Variants in LARP1B observed in about 807,000 individuals in gnomAD.
The protein encoded by LARP1B is la-related protein 1B.
In LARP1B, 76 loss-of-function variants were observed where a neutral mutation model predicts 114.2. That is an observed-to-expected ratio of 0.67 (90% CI 0.55 to 0.81). The LOEUF (loss-of-function observed/expected upper bound fraction) is 0.81. Among genes scored for constraint, LARP1B ranks in the 30% least tolerant of loss-of-function variants. LARP1B has a pLI of 0.00. For missense variants in LARP1B, 1,014 were observed against 1,075.8 expected (o/e 0.94, Z 0.80); for synonymous variants, 345 against 348.0 (o/e 0.99, Z 0.10).
At chr4:128,149,440 T>C (rs996169711) in intron 11 of LARP1B, among the ~76,000 whole-genome samples, 2 of 152,140 alleles carry the variant, frequency 1.3e-5, no homozygotes, top group African/African-American at 4.8e-5. Context: ...AACCCACTTA[T>C]AGTAATCCAA....
At chr4:128,075,608 T>C (rs1767514845) in intron 3 of LARP1B, among the ~76,000 whole-genome samples, 1 of 151,842 alleles carries the variant, frequency 6.6e-6, no homozygotes, top group African/African-American at 2.4e-5. Context: ...AGTGCAGTGA[T>C]GTGATCACAG....
intron 4 of LARP1B, among the ~76,000 whole-genome samples, chr4:128,078,561 A>G (rs1181371162): frequency 1.3e-5 from 2 of 151,702 alleles, no homozygotes; most frequent in Non-Finnish European, 2.9e-5. Flanking sequence ...AGGTCGCGCC[A>G]TTGCACTCCA....
At chr4:128,103,473 T>G (rs1252830285) in intron 8 of LARP1B, among the ~76,000 whole-genome samples, 1 of 152,116 alleles carries the variant, frequency 6.6e-6, no homozygotes, top group Non-Finnish European at 1.5e-5. Flanking sequence ...TGTTACTTCT[T>G]TCTTGTGTCT....
At chr4:128,138,477 A>C (rs2150179925) in intron 11 of LARP1B, among the ~76,000 whole-genome samples, 1 of 152,344 alleles carries the variant, frequency 6.6e-6, no homozygotes, top group South Asian at 2.1e-4. Flanking sequence ...TTATGATTGG[A>C]ATGAATAATT....
At chr4:128,179,621 A>T (rs1561509367) in intron 15 of LARP1B, 109 bp downstream of exon 15, 2 of 626,538 alleles carry the variant, frequency 3.2e-6, no homozygotes, top group Admixed American at 3.5e-5. Flanking sequence ...TTAGCAAATT[A>T]TAGAGCAATG....
At chr4:128,094,204 C>T (rs570156205) in intron 7 of LARP1B, among the ~76,000 whole-genome samples, 86 of 152,054 alleles carry the variant, frequency 5.7e-4, no homozygotes, top group Middle Eastern at 3.4e-3. Context: ...GGATTACAGG[C>T]GTGAGCCACC....
chr4:128,221,266 A>G (rs1223026989), intron 7 of LARP1B, among the ~76,000 whole-genome samples: 3 of 152,230 alleles, frequency 2.0e-5, no homozygotes, highest in Non-Finnish European at 4.4e-5. Context: ...TACAAATGAA[A>G]CTGAGCATTT....
At position 128,211,473 on chromosome 4, in the gene LARP1B, G is replaced by A. The variant is rs1417026491; in HGVS notation, c.*1420G>A. ...TATTTCTCATGATAAGTAATAATCAGCAGTTTTATAATATTTACTATTTGG... is the reference window on the plus strand; with the variant it reads ...TATTTCTCATGATAAGTAATAATCAACAGTTTTATAATATTTACTATTTGG... On this transcript the variant is annotated 3_prime_UTR_variant, in exon 20 of 20. Coordinates refer to ENST00000326639, the MANE Select transcript of LARP1B (RefSeq NM_018078.4). The A allele has an allele frequency of 3.9e-5, 36 of 913,086 alleles. No individual in the cohort carries two copies. Among genetic ancestry groups the A allele is most frequent in the Non-Finnish European group, 4.6e-5 (35 of 764,230 alleles). 56.6% of individuals were successfully genotyped at this position (913,086 alleles called of 1,614,324 possible). A position where few individuals can be genotyped will look rare whatever the true frequency, so the allele number is the denominator to read the frequency against.
intron 5 of LARP1B, among the ~76,000 whole-genome samples, chr4:128,082,835 T>A (rs982328709): frequency 4.0e-5 from 6 of 151,580 alleles, no homozygotes; most frequent in African/African-American, 9.7e-5. Flanking sequence ...TTATTTTTTT[T>A]ATTGATCATT....
intron 17 of LARP1B, 31 bp from the exon 18 acceptor site, chr4:128,206,397 T>A: frequency 3.0e-6 from 4 of 1,336,940 alleles, no homozygotes; most frequent in Non-Finnish European, 4.2e-6. Context: ...ATATTGTATT[T>A]TATTATAAAC....
At chr4:128,184,367 A>G (rs529439205) in intron 15 of LARP1B, among the ~76,000 whole-genome samples, 4 of 152,220 alleles carry the variant, frequency 2.6e-5, no homozygotes, top group Non-Finnish European at 4.4e-5. Flanking sequence ...CTCCACCAGC[A>G]AAAAGACTAT....
In LARP1B at chr4:128,220,275, T is replaced by C. The variant is rs1759912475; in HGVS notation, n.849-80T>C. 1.2e-5 allele frequency: 5 copies of C among 422,176 alleles called. No individual in the cohort carries two copies. In the South Asian group the frequency reaches 3.0e-4, roughly 26 times the overall value. 26.2% of individuals were successfully genotyped at this position (422,176 alleles called of 1,614,324 possible). A position where few individuals can be genotyped will look rare whatever the true frequency, so the allele number is the denominator to read the frequency against. On this transcript the variant is annotated intron_variant and non_coding_transcript_variant, in intron 6 of 7. Transcript: ENST00000503725. ...ATTTTACAAAGTAGTGTCACCACTT[T>C]CCTTTGTGTGTTTAATCTTTTCCTT... is the stretch of plus-strand genomic sequence containing the variant.
intron 1 of LARP1B, chr4:128,069,489 T>G: frequency 2.7e-6 from 2 of 752,956 alleles, no homozygotes; most frequent in African/African-American, 1.7e-5. Flanking sequence ...CTGGTGCGCT[T>G]TATCAAGCCA....
intron 5 of LARP1B, among the ~76,000 whole-genome samples, chr4:128,088,696 C>T (rs1408364239): frequency 6.6e-6 from 1 of 152,132 alleles, no homozygotes; most frequent in Non-Finnish European, 1.5e-5. Flanking sequence ...TTTTTAAAAA[C>T]CTAGAGTGCT....
intron 1 of LARP1B, chr4:128,062,222 CTG>C (rs1760417352): frequency 1.0e-6 from 1 of 985,362 alleles, no homozygotes. Flanking sequence ...GGAGGCAGGT[CTG>C]TGGTTGCTCT....
chr4:128,083,683 C>CT (rs1210530885), intron 5 of LARP1B, among the ~76,000 whole-genome samples: 1 of 145,274 alleles, frequency 6.9e-6, no homozygotes, highest in Non-Finnish European at 1.5e-5. Context: ...TGAGCCCCCC[C>CT]ACCTCCCTCC....
intron 1 of LARP1B, among the ~76,000 whole-genome samples, chr4:128,067,424 CA>C (rs1257076008): frequency 6.6e-6 from 1 of 152,158 alleles, no homozygotes; most frequent in African/African-American, 2.4e-5. Flanking sequence ...ATAGGAAACA[CA>C]GGGGAGAATA....
At chr4:128,153,699 T>C (rs987006645) in intron 11 of LARP1B, among the ~76,000 whole-genome samples, 2 of 152,220 alleles carry the variant, frequency 1.3e-5, no homozygotes, top group South Asian at 2.1e-4. Flanking sequence ...ACTCTATTCT[T>C]AAGTTTTGGG....
chr4:128,122,206 A>ACATCTTTCT lies in LARP1B; in HGVS notation c.1524+19_1524+27dup. 6.2e-7 allele frequency: 1 copy of ACATCTTTCT among 1,608,324 alleles called. No homozygotes were observed. The highest frequency in any genetic ancestry group is 2.2e-5 in the East Asian group (1 of 44,780). On this transcript the variant is annotated intron_variant, in intron 11 of 19. Transcript: ENST00000326639. ...CCATAAAGGTAATTGTTTCTGGCCAACATCTTTCTACTGATGCTTTGTTTT... is the reference window on the plus strand; with the variant it reads ...CCATAAAGGTAATTGTTTCTGGCCAACATCTTTCTCATCTTTCTACTGATGCTTTGTTTT...
Sources: gnomAD v4.1 joint callset for allele counts (sites outside exome capture counted in the v4.1 genomes callset) on GRCh38, gnomAD v4.1.1 for gene constraint, MANE v1.5 for transcripts, NCBI Gene and HGNC (gene_info 2026-07-23, HGNC 2026-07-21) for gene names.